The following SEZ6 variants were observed in gnomAD, a reference collection of about 807,000 sequenced individuals.
The protein encoded by SEZ6 is seizure protein 6 homolog.
SEZ6 carries 53 observed loss-of-function variants against 101.0 expected under a neutral mutation model. The observed-to-expected ratio is 0.52, with a 90% CI of 0.42 to 0.66. The LOEUF (loss-of-function observed/expected upper bound fraction) is 0.66. Among genes scored for constraint, SEZ6 ranks in the 30% least tolerant of loss-of-function variants. SEZ6 has a pLI of 0.00. For missense variants in SEZ6, 1,102 were observed against 1,289.4 expected, an observed-to-expected ratio of 0.85 and a Z score of 2.23; for synonymous variants, 488 against 512.2, an observed-to-expected ratio of 0.95 and a Z score of 0.64.
In SEZ6 at chr17:28,956,482, GGT is replaced by G; in HGVS notation, c.2732-17_2732-16del. The G allele has an allele frequency of 6.5e-7, 1 of 1,547,590 alleles. No homozygotes were observed. Among genetic ancestry groups the G allele is most frequent in the Non-Finnish European group, 8.7e-7 (1 of 1,146,058 alleles). On this transcript the variant is annotated splice_polypyrimidine_tract_variant and intron_variant, in intron 14 of 16. Coordinates refer to ENST00000317338, the MANE Select transcript of SEZ6 (RefSeq NM_178860.5). ...TGCCTTGGCAACTGAAGACACAGAGGGTGTGACTGGAGCAGAGGTCTCTGTCA... is the reference window on the plus strand; with the variant it reads ...TGCCTTGGCAACTGAAGACACAGAGGGTGACTGGAGCAGAGGTCTCTGTCA...
Position 28,982,167 on chromosome 17 carries a change from A to T in SEZ6, c.56-128T>A, listed in dbSNP as rs2041317734. 4 of 1,416,586 alleles carry T rather than the reference A, an allele frequency of 2.8e-6. No homozygotes were observed. The South Asian group carries it at 6.3e-5, about 22-fold the overall frequency. 87.8% of individuals were successfully genotyped at this position (1,416,586 alleles called of 1,614,324 possible). A position where few individuals can be genotyped will look rare whatever the true frequency, so the allele number is the denominator to read the frequency against. ...CCTGAGGAGCGTGCTCACTGCTGAG[A>T]ATCACGGAACTACAGAATTTGTGAA... On this transcript the variant is annotated intron_variant, in intron 1 of 16. Transcript: ENST00000317338.
chr17:28,962,798 A>G, intron 5 of SEZ6, among the ~76,000 whole-genome samples: 1 of 150,234 alleles, frequency 6.7e-6, no homozygotes, highest in East Asian at 2.0e-4. Context: ...AAAAAAAAAA[A>G]AGATTCAAAA....
chr17:28,974,222 C>T (rs938437316), intron 3 of SEZ6, among the ~76,000 whole-genome samples: 4 of 152,172 alleles, frequency 2.6e-5, no homozygotes, highest in African/African-American at 4.8e-5. Context: ...CTCTTGTGTG[C>T]GATCCCCACC....
In SEZ6 at chr17:28,957,366, G is replaced by A. The variant is rs759347078; in HGVS notation, c.2476C>T (p.Arg826Trp). The A allele has an allele frequency of 2.5e-5, 41 of 1,613,496 alleles. No homozygotes were observed. The highest frequency in any genetic ancestry group is 1.4e-4 in the South Asian group (13 of 91,082). ...RQAGSPKWSD[R>W]APKCLLEQLK... ...CACTTACGGAGACATTTAGGGGCCCGGTCACTCCACTTGGGGCTGCCAGCC... is the reference window on the plus strand; with the variant it reads ...CACTTACGGAGACATTTAGGGGCCCAGTCACTCCACTTGGGGCTGCCAGCC... The change falls in exon 12 of 17, where the codon CGG becomes TGG. Residue 826 changes from arginine to tryptophan, a missense_variant. By Grantham distance (101) the Arg-to-Trp change is moderately radical (BLOSUM62 -3). Transcript: ENST00000317338.
At chr17:29,002,806 G>T (rs957127113) in intron 1 of SEZ6, among the ~76,000 whole-genome samples, 3 of 152,178 alleles carry the variant, frequency 2.0e-5, no homozygotes, top group Non-Finnish European at 2.9e-5. Context: ...TTTAGGTTAA[G>T]GCAGCCCTCG....
At chr17:28,983,074 T>C (rs1165171477) in intron 1 of SEZ6, among the ~76,000 whole-genome samples, 3 of 152,230 alleles carry the variant, frequency 2.0e-5, no homozygotes, top group African/African-American at 7.2e-5. Context: ...AGCAGTAATA[T>C]GAGTAGAGTG....
intron 3 of SEZ6, among the ~76,000 whole-genome samples, chr17:28,975,601 T>C (rs953838898): frequency 1.3e-5 from 2 of 152,198 alleles, no homozygotes; most frequent in African/African-American, 4.8e-5. Context: ...GGGCTAGACC[T>C]GACTGCACCC....
chr17:28,982,674 G>A (rs1318197445), intron 1 of SEZ6, among the ~76,000 whole-genome samples: 3 of 152,030 alleles, frequency 2.0e-5, no homozygotes, highest in Non-Finnish European at 4.4e-5. Context: ...TTGGTTTTGA[G>A]ACAGTGTCTC....
chr17:28,974,139 C>T (rs975618275), intron 3 of SEZ6, among the ~76,000 whole-genome samples: 4 of 152,328 alleles, frequency 2.6e-5, no homozygotes, highest in East Asian at 1.9e-4. Flanking sequence ...AACCCACAGA[C>T]GAGATGGCAC....
intron 4 of SEZ6, among the ~76,000 whole-genome samples, chr17:28,966,114 G>A (rs1434260393): frequency 6.6e-6 from 1 of 151,276 alleles, no homozygotes; most frequent in Non-Finnish European, 1.5e-5. Flanking sequence ...TTGCACTCCA[G>A]CCTGGGCGAC....
intron 11 of SEZ6, 89 bp from the exon 12 acceptor site, chr17:28,957,628 T>A (rs2040905293): frequency 7.1e-7 from 1 of 1,405,020 alleles, no homozygotes; most frequent in Non-Finnish European, 9.7e-7. Flanking sequence ...CCAGCTAACT[T>A]CTTCATGTCG....
chr17:28,996,975 G>A (rs1349226097), intron 1 of SEZ6, among the ~76,000 whole-genome samples: 1 of 152,164 alleles, frequency 6.6e-6, no homozygotes, highest in Non-Finnish European at 1.5e-5. Context: ...ACCGGAGGCA[G>A]CATCAGGGAT....
intron 14 of SEZ6, 96 bp downstream of exon 14, chr17:28,956,619 CTCTT>C (rs2040882658): frequency 1.3e-6 from 2 of 1,526,230 alleles, no homozygotes; most frequent in Non-Finnish European, 1.8e-6. Context: ...CCAAACCTCT[CTCTT>C]TCTCTGCCCT....
intron 3 of SEZ6, among the ~76,000 whole-genome samples, chr17:28,978,333 A>G (rs1253880943): frequency 6.6e-6 from 1 of 152,198 alleles, no homozygotes; most frequent in Non-Finnish European, 1.5e-5. Context: ...CAGTCAGCGC[A>G]TGGAGTACCC....
intron 1 of SEZ6, among the ~76,000 whole-genome samples, chr17:28,988,977 G>A (rs2041421153): frequency 6.6e-6 from 1 of 152,202 alleles, no homozygotes. Flanking sequence ...CAGGGACAGA[G>A]ACCCCACTGC....
chr17:28,972,952 G>T (rs1414802408), intron 3 of SEZ6, among the ~76,000 whole-genome samples: 1 of 152,162 alleles, frequency 6.6e-6, no homozygotes, highest in Non-Finnish European at 1.5e-5. Flanking sequence ...GAAAGCAAAG[G>T]CAGAGAAGTA....
intron 5 of SEZ6, among the ~76,000 whole-genome samples, chr17:28,963,198 C>T (rs554553365): frequency 6.6e-6 from 1 of 151,934 alleles, no homozygotes; most frequent in Admixed American, 6.6e-5. Flanking sequence ...CTTTCTCCAA[C>T]AAGCCCCTTT....
chr17:28,969,595 A>G (rs541486907), intron 4 of SEZ6, among the ~76,000 whole-genome samples, 162 bp downstream of exon 4: 12 of 152,266 alleles, frequency 7.9e-5, no homozygotes, highest in African/African-American at 2.9e-4. Context: ...GATACGCGAT[A>G]CTTACCTCCA....
At chr17:28,968,232 C>T (rs1319116535) in intron 4 of SEZ6, among the ~76,000 whole-genome samples, 1 of 152,168 alleles carries the variant, frequency 6.6e-6, no homozygotes, top group Admixed American at 6.5e-5. Context: ...TAATTACAGC[C>T]TATAATTAGG....
Sources: allele counts gnomAD v4.1 joint callset (sites outside exome capture counted in the v4.1 genomes callset), GRCh38; gene constraint gnomAD v4.1.1; transcripts MANE v1.5; gene names NCBI Gene and HGNC (gene_info 2026-07-23, HGNC 2026-07-21).